The following CHD6 variants were observed in gnomAD, a reference collection of about 807,000 sequenced individuals.
CHD6 encodes the protein chromodomain helicase DNA binding protein 6, also known as ATP-dependent chromatin remodeler CHD6.
In CHD6, 50 loss-of-function variants were observed where a neutral mutation model predicts 276.9. That is an observed-to-expected ratio of 0.18 (90% CI 0.14 to 0.23). CHD6 has a LOEUF of 0.23. CHD6 is among the 10% of genes least tolerant of loss of function. The pLI is 1.00. For missense variants in CHD6, 2,564 were observed against 3,365.8 expected (o/e 0.76, Z 5.89); for synonymous variants, 1,173 against 1,229.3 (o/e 0.95, Z 0.96).
chr20:41,506,386 T>C (rs2043976610), intron 5 of CHD6, among the ~76,000 whole-genome samples: 1 of 151,980 alleles, frequency 6.6e-6, no homozygotes, highest in Non-Finnish European at 1.5e-5. Flanking sequence ...TCTTCATGCA[T>C]ACCAAGCATG....
chr20:41,403,528 G>C lies in CHD6; in HGVS notation c.*1065C>G, dbSNP rs149098494. 335 of 1,063,090 alleles carry C rather than the reference G, an allele frequency of 3.2e-4. 1 individual carries two copies. The African/African-American group carries it at 5.2e-3, about 16-fold the overall frequency. The allele number at this position is 1,063,090 out of a possible 1,614,324, so 65.9% of individuals were successfully genotyped here. On this transcript the variant is annotated 3_prime_UTR_variant, in exon 37 of 37. Coordinates refer to ENST00000373233, the MANE Select transcript of CHD6 (RefSeq NM_032221.5). ...TAAACAGAATGGAGAAATTAATGGA[G>C]AAGTAACTTTTCATAGCTGTATTAT...
At chr20:41,417,118 A>G in intron 32 of CHD6, 80 bp downstream of exon 32, 2 of 1,306,852 alleles carry the variant, frequency 1.5e-6, no homozygotes, top group Non-Finnish European at 2.1e-6. Flanking sequence ...GTTCAGAACT[A>G]TTTCTAAAAG....
Position 41,404,639 on chromosome 20 carries a change from T to C in CHD6, c.8102A>G (p.Gln2701Arg), listed in dbSNP as rs373499260. Residue 2701 changes from glutamine to arginine, a missense_variant, in exon 37 of 37, where the codon CAG becomes CGG. By Grantham distance (43) the Gln-to-Arg change is conservative (BLOSUM62 1). Around this residue, in one of 7 missense-constraint regions of CHD6, gnomAD observed 238 missense variants for 266.0 expected, o/e 0.89. Transcript: ENST00000373233. ...GTCTTTGAGTGCCCCCTCCCCAGCC[T>C]GTGCCCCATGTTCTCTCTCTGCGGG... ...PLPAEREHGA[Q>R]AGEGALKDSN... 4.0e-6 allele frequency: 6 copies of C among 1,515,138 alleles called. No homozygotes were observed. In the South Asian group the frequency reaches 5.4e-5, roughly 14 times the overall value. The allele number at this position is 1,515,138 out of a possible 1,614,324, so 93.9% of individuals were successfully genotyped here.
intron 1 of CHD6, among the ~76,000 whole-genome samples, chr20:41,575,518 G>A (rs1241701144): frequency 1.3e-5 from 2 of 152,110 alleles, no homozygotes; most frequent in Non-Finnish European, 2.9e-5. Context: ...GCATACTTAA[G>A]AGACTGGTGC....
In CHD6 at chr20:41,403,721, C is replaced by G; in HGVS notation, c.*872G>C. On this transcript the variant is annotated 3_prime_UTR_variant, in exon 37 of 37. Transcript: ENST00000373233. The stretch of plus-strand genomic sequence containing the variant: ...ATTCGGTCCTGGTGCTCTTTAAACA[C>G]AGAGAGGCAAATTAATGGCTAGAGA... 3 of 1,057,256 alleles carry G rather than the reference C, an allele frequency of 2.8e-6. No homozygotes were observed. The African/African-American group carries it at 4.9e-5, about 17-fold the overall frequency. 65.5% of individuals were successfully genotyped at this position (1,057,256 alleles called of 1,614,324 possible).
chr20:41,593,439 A>G (rs2045685053), intron 1 of CHD6, among the ~76,000 whole-genome samples: 1 of 152,202 alleles, frequency 6.6e-6, no homozygotes, highest in Non-Finnish European at 1.5e-5. Context: ...AAGAACTCAG[A>G]GATGGCACTT....
chr20:41,413,809 GCCCACTGT>G (rs1230654906), intron 34 of CHD6: 2 of 239,436 alleles, frequency 8.4e-6, no homozygotes, highest in African/African-American at 2.2e-5. Flanking sequence ...TGTCACCACT[GCCCACTGT>G]CCCAGGCAGC....
chr20:41,451,568 T>A (rs1221247984), intron 22 of CHD6, among the ~76,000 whole-genome samples: 3 of 152,274 alleles, frequency 2.0e-5, no homozygotes, highest in Non-Finnish European at 4.4e-5. Context: ...GGGGAGTCTG[T>A]GTGAGACTCA....
chr20:41,615,349 C>CA (rs11379388), intron 1 of CHD6, among the ~76,000 whole-genome samples: 44,606 of 124,166 alleles, frequency 0.36, 8,197 homozygotes, highest in African/African-American at 0.53. Context: ...CATTCCATTG[C>CA]AAAAAAAAAA....
At chr20:41,501,751 T>C (rs2043834937) in intron 5 of CHD6, among the ~76,000 whole-genome samples, 1 of 152,178 alleles carries the variant, frequency 6.6e-6, no homozygotes, top group African/African-American at 2.4e-5. Flanking sequence ...TTGTCAAAAA[T>C]TTTCTCAGTG....
chr20:41,555,067 C>T (rs2045204400), intron 1 of CHD6, among the ~76,000 whole-genome samples: 1 of 148,596 alleles, frequency 6.7e-6, no homozygotes, highest in African/African-American at 2.5e-5. Flanking sequence ...GGCTGATTCC[C>T]CCACCTCCCT....
chr20:41,416,556 G>A (rs1469376796), intron 33 of CHD6, 32 bp downstream of exon 33: 2 of 1,580,124 alleles, frequency 1.3e-6, no homozygotes, highest in Admixed American at 1.7e-5. Context: ...ACCATTCTTT[G>A]TTTTGTGGTC....
chr20:41,486,495 GATGCAAGCCTGACTTGCA>G (rs1244800807), intron 14 of CHD6, among the ~76,000 whole-genome samples: 1 of 152,142 alleles, frequency 6.6e-6, no homozygotes, highest in African/African-American at 2.4e-5. Flanking sequence ...TCACTGCTCT[GATGCAAGCCTGACTTGCA>G]TCAGAAGTAG....
intron 23 of CHD6, among the ~76,000 whole-genome samples, chr20:41,449,531 G>C (rs1274998358): frequency 6.6e-6 from 1 of 152,200 alleles, no homozygotes; most frequent in Non-Finnish European, 1.5e-5. Flanking sequence ...AATCAATTCA[G>C]AGGATGGATG....
rs183569076 is a variant in CHD6, at chr20:41,425,842, T to A, written c.4129+251A>T. ...ACCCGATGTCATCACAATTCCTTTT[T>A]ACCTCTCAGACCTTATTCTAACTGA... is the stretch of plus-strand genomic sequence containing the variant. On this transcript the variant is annotated intron_variant, in intron 28 of 36. Transcript: ENST00000373233. Among the ~76,000 whole-genome samples the A allele has an allele frequency of 2.0e-5, 3 of 152,320 alleles. No individual in the cohort carries two copies. The East Asian group carries it at 5.8e-4, about 29-fold the overall frequency.
At position 41,593,205 on chromosome 20, in the gene CHD6, G is replaced by C. The variant is rs541893873; in HGVS notation, c.-24+25135C>G. Among the ~76,000 whole-genome samples, 230 of 129,262 alleles carry C rather than the reference G, an allele frequency of 1.8e-3. 9 individuals are homozygous for C. The highest frequency in any genetic ancestry group is 6.1e-3 in the African/African-American group (211 of 34,570). 84.8% of individuals were successfully genotyped at this position (129,262 alleles called of 152,430 possible). ...GTTTAACTCAGCCCAATCAAAAAGG[G>C]GGGGGGGGGTTAAATAGTAAAAGAG... On this transcript the variant is annotated intron_variant, in intron 1 of 36. Transcript: ENST00000373233.
At chr20:41,488,327 C>T (rs1003197820) in intron 13 of CHD6, 101 bp downstream of exon 13, 19 of 1,100,456 alleles carry the variant, frequency 1.7e-5, no homozygotes, top group South Asian at 1.1e-4. Context: ...TAATGTAAAA[C>T]GACTAGGCAG....
Position 41,413,421 on chromosome 20 carries a change from G to A in CHD6, c.7034C>T (p.Ala2345Val). 1 of 1,611,930 alleles carries A rather than the reference G, an allele frequency of 6.2e-7. No individual in the cohort carries two copies. Among genetic ancestry groups the A allele is most frequent in the Non-Finnish European group, 8.5e-7 (1 of 1,179,890 alleles). ...ATSAPEPATA[A>V]SSQAEKSIPS... ...AATGGATTTCTCGGCTTGGCTGCTG[G>A]CTGCCGTAGCTGGCTCAGGAGCCGA... The change falls in exon 35 of 37, where the codon GCC becomes GTC. Residue 2345 changes from alanine to valine, a missense_variant. Ala to Val is a moderately conservative substitution (Grantham distance 64). Around this residue, in one of 7 missense-constraint regions of CHD6, gnomAD observed 1,024 missense variants for 1,047.9 expected, o/e 0.98. Coordinates refer to ENST00000373233, the MANE Select transcript of CHD6 (RefSeq NM_032221.5).
chr20:41,490,134 T>A, intron 11 of CHD6, 113 bp from the exon 12 acceptor site: 1 of 888,642 alleles, frequency 1.1e-6, no homozygotes, highest in Non-Finnish European at 1.8e-6. Flanking sequence ...TTGAAGGCTT[T>A]ATCATCATTT....
Sources: allele counts gnomAD v4.1 joint callset (sites outside exome capture counted in the v4.1 genomes callset), GRCh38; gene constraint gnomAD v4.1.1; regional missense constraint gnomAD v4.1.1; transcripts MANE v1.5; gene names NCBI Gene and HGNC (gene_info 2026-07-23, HGNC 2026-07-21).